The following TRIM2 variants were observed in gnomAD, a reference collection of about 807,000 sequenced individuals.
TRIM2 encodes the protein tripartite motif containing 2.
Under a neutral mutation model 75.2 loss-of-function variants are expected in TRIM2, and 20 were observed. The ratio of observed to expected loss-of-function variants is 0.27; its 90% CI spans 0.19 to 0.39. The LOEUF (loss-of-function observed/expected upper bound fraction) is 0.39. Among genes scored for constraint, TRIM2 ranks in the 10% least tolerant of loss-of-function variants. TRIM2 has a pLI of 1.00. For synonymous variants in TRIM2, 373 were observed against 388.3 expected, an observed-to-expected ratio of 0.96 and a Z score of 0.46; for missense variants, 660 against 990.8, an observed-to-expected ratio of 0.67 and a Z score of 4.48.
chr4:153,232,260 C>T lies in TRIM2; in HGVS notation c.30+27700C>T, dbSNP rs372930724. Among the ~76,000 whole-genome samples the T allele has an allele frequency of 5.3e-5, 8 of 152,152 alleles. No individual in the cohort carries two copies. In the East Asian group the frequency reaches 9.7e-4, roughly 18 times the overall value. ...AGGCGAGGTGGCTGACGCCTGTAAT[C>T]CCAGCACTTTGGGAGGCCGAGGCAG... is the stretch of plus-strand genomic sequence containing the variant. On this transcript the variant is annotated intron_variant, in intron 1 of 11. Transcript: ENST00000338700.
At position 153,157,066 on chromosome 4, in the gene TRIM2, G is replaced by A. The variant is rs953559005; in HGVS notation, c.-49+3796G>A. 5 of 152,366 alleles carry A rather than the reference G, an allele frequency of 3.3e-5. No homozygotes were observed. In the East Asian group the frequency reaches 9.6e-4, roughly 29 times the overall value. 9.4% of individuals were successfully genotyped at this position (152,366 alleles called of 1,614,324 possible). On this transcript the variant is annotated intron_variant, in intron 1 of 11. Transcript: ENST00000437508. ...CTTCCAGGGTGGCAGAGAGACCTGT[G>A]TGTGCAAGGTGGCAGAGATGTGGCG... is the stretch of plus-strand genomic sequence containing the variant.
chr4:153,175,529 A>C (rs1731344737), intron 1 of TRIM2, among the ~76,000 whole-genome samples: 1 of 151,938 alleles, frequency 6.6e-6, no homozygotes, highest in Non-Finnish European at 1.5e-5. Flanking sequence ...CACACTCAGG[A>C]AGCTTCCATG....
chr4:153,166,509 T>TCC (rs1730330318), intron 1 of TRIM2, among the ~76,000 whole-genome samples: 1 of 71,004 alleles, frequency 1.4e-5, no homozygotes, highest in Admixed American at 1.2e-4. Context: ...CCCTCCCTCT[T>TCC]TTCTTTTCCT....
intron 3 of TRIM2, among the ~76,000 whole-genome samples, chr4:153,285,569 T>G (rs536161792): frequency 5.9e-5 from 9 of 152,300 alleles, no homozygotes; most frequent in Non-Finnish European, 8.8e-5. Context: ...GCAATCCTCC[T>G]GCCTCAGCCT....
At position 153,316,016 on chromosome 4, in the gene TRIM2, A is replaced by AT; in HGVS notation, c.1782+19dup. On this transcript the variant is annotated intron_variant, in intron 8 of 11. Coordinates refer to ENST00000338700, the MANE Select transcript of TRIM2 (RefSeq NM_015271.5). ...AAATTTAAGGTAAGATTAACTACTA[A>AT]TTGTTCACTAAACAATGGAGAGAAG... 1 of 1,540,588 alleles carries AT rather than the reference A, an allele frequency of 6.5e-7. No individual in the cohort carries two copies.
intron 1 of TRIM2, among the ~76,000 whole-genome samples, chr4:153,235,114 C>T (rs1744680358): frequency 6.6e-6 from 1 of 152,142 alleles, no homozygotes; most frequent in East Asian, 1.9e-4. Flanking sequence ...CACTCTTTCC[C>T]ATCCTTCAGG....
At chr4:153,203,728 CT>C (rs1476554721), upstream of TRIM2, among the ~76,000 whole-genome samples, 1 of 152,048 alleles carries the variant, frequency 6.6e-6, no homozygotes, top group African/African-American at 2.4e-5. Flanking sequence ...CCCGTCTCTA[CT>C]AAAAATACAA....
At chr4:153,226,574 G>A (rs1254451406) in intron 1 of TRIM2, among the ~76,000 whole-genome samples, 3 of 152,222 alleles carry the variant, frequency 2.0e-5, no homozygotes, top group Non-Finnish European at 4.4e-5. Flanking sequence ...GTTTCAGAAT[G>A]TCTGCTGTTT....
chr4:153,244,054 A>G (rs907820959), intron 1 of TRIM2, among the ~76,000 whole-genome samples: 1 of 151,914 alleles, frequency 6.6e-6, no homozygotes, highest in Non-Finnish European at 1.5e-5. Flanking sequence ...TCCTAGCTTC[A>G]AGCAATACTC....
At chr4:153,298,573 A>G (rs567495217) in intron 6 of TRIM2, among the ~76,000 whole-genome samples, 1 of 152,238 alleles carries the variant, frequency 6.6e-6, no homozygotes, top group Admixed American at 6.5e-5. Context: ...ATCTCCAAAT[A>G]TGTATATATT....
At chr4:153,220,427 T>TAACTCA (rs1300385118) in intron 1 of TRIM2, among the ~76,000 whole-genome samples, 1 of 152,092 alleles carries the variant, frequency 6.6e-6, no homozygotes, top group African/African-American at 2.4e-5. Flanking sequence ...CTAGTTAGTC[T>TAACTCA]GAAAGTAAAA....
intron 1 of TRIM2, among the ~76,000 whole-genome samples, chr4:153,192,602 CAAAAA>C (rs35750080): frequency 4.7e-5 from 5 of 106,422 alleles, no homozygotes; most frequent in African/African-American, 3.9e-5. Context: ...GACCCTATCT[CAAAAA>C]AAAAAAAAAA....
In TRIM2 at chr4:153,187,199, C is replaced by T. The variant is rs556774276; in HGVS notation, c.-49+33929C>T. 3.9e-5 allele frequency among the ~76,000 whole-genome samples: 6 copies of T among 152,192 alleles called. No homozygotes were observed. In the South Asian group the frequency reaches 8.3e-4, roughly 21 times the overall value. On this transcript the variant is annotated intron_variant, in intron 1 of 11. Transcript: ENST00000437508. ...TGTATGTGTAATTAGAATGCTAAAACAGCACATTTTTTCTATCAATGTAAA... is the reference window on the plus strand; with the variant it reads ...TGTATGTGTAATTAGAATGCTAAAATAGCACATTTTTTCTATCAATGTAAA...
rs555795287 is a variant in TRIM2 at position 153,192,936 on chromosome 4, C to T, written c.-49+39666C>T. Reference sequence around the variant, plus strand: ...CACCCAAGTCCACCATCAGTTGTTCCCAATCCTCTTTTAAAGCTGTTTTAT... The same window carrying T: ...CACCCAAGTCCACCATCAGTTGTTCTCAATCCTCTTTTAAAGCTGTTTTAT... On this transcript the variant is annotated intron_variant, in intron 1 of 11. Transcript: ENST00000437508. Among the ~76,000 whole-genome samples the T allele has an allele frequency of 1.5e-4, 23 of 152,246 alleles. No individual in the cohort carries two copies. The South Asian group carries it at 1.9e-3, about 12-fold the overall frequency.
In TRIM2 at chr4:153,204,528, T is replaced by G; in HGVS notation, c.-3T>G. 1 of 1,551,712 alleles carries G rather than the reference T, an allele frequency of 6.4e-7. No homozygotes were observed. Among genetic ancestry groups the G allele is most frequent in the East Asian group, 2.4e-5 (1 of 40,930 alleles). ...GATTGGAGGAGGCTGGCTCTGGTCT[T>G]CGATGCACAGGAGTGGCCGTTATGG... is the stretch of plus-strand genomic sequence containing the variant. On this transcript the variant is annotated 5_prime_UTR_variant, in exon 1 of 12. Coordinates refer to ENST00000338700, the MANE Select transcript of TRIM2 (RefSeq NM_015271.5).
intron 1 of TRIM2, among the ~76,000 whole-genome samples, chr4:153,197,769 A>G (rs2149672925): frequency 6.6e-6 from 1 of 152,278 alleles, no homozygotes; most frequent in East Asian, 1.9e-4. Context: ...GCTACTCAGG[A>G]GGCTGAGGCA....
intron 1 of TRIM2, among the ~76,000 whole-genome samples, chr4:153,172,433 C>T (rs113633727): frequency 2.6e-5 from 4 of 152,154 alleles, no homozygotes; most frequent in Non-Finnish European, 5.9e-5. Flanking sequence ...ATGATCCGCC[C>T]GCCTTGGCCT....
chr4:153,314,785 C>T lies in TRIM2; in HGVS notation c.1511-700C>T, dbSNP rs148748768. ...AGTAAATCCATAATATGAAAATCGC[C>T]TACTATTTTTATAACTATCTGTGGC... On this transcript the variant is annotated intron_variant, in intron 6 of 11. Transcript: ENST00000338700. Among the ~76,000 whole-genome samples the T allele has an allele frequency of 2.6e-5, 4 of 151,950 alleles. No homozygotes were observed. The East Asian group carries it at 5.8e-4, about 22-fold the overall frequency.
At chr4:153,316,793 C>T (rs1030218042) in intron 8 of TRIM2, among the ~76,000 whole-genome samples, 6 of 150,990 alleles carry the variant, frequency 4.0e-5, no homozygotes, top group African/African-American at 9.8e-5. Context: ...TGTATCAGCC[C>T]GCCCATTTTC....
Sources: gnomAD v4.1 joint callset for allele counts (sites outside exome capture counted in the v4.1 genomes callset) on GRCh38, gnomAD v4.1.1 for gene constraint, MANE v1.5 for transcripts, NCBI Gene and HGNC (gene_info 2026-07-23, HGNC 2026-07-21) for gene names.